KSR2: variants seen among roughly 807,000 people sequenced by gnomAD.
KSR2 encodes the protein kinase suppressor of ras 2.
In KSR2, 25 loss-of-function variants were observed where a neutral mutation model predicts 107.8. The ratio of observed to expected loss-of-function variants is 0.23; its 90% confidence interval spans 0.17 to 0.32. KSR2 has a LOEUF of 0.32. KSR2 is among the 10% of genes least tolerant of loss of function. The probability of loss-of-function intolerance (pLI) is 1.00; values close to 1 mark genes in which losing one functional copy is unlikely to be tolerated. For missense variants in KSR2, 887 were observed against 1,268.9 expected, an observed-to-expected ratio of 0.70 and a Z score of 4.57; for synonymous variants, 480 against 507.0, an observed-to-expected ratio of 0.95 and a Z score of 0.71.
intron 7 of KSR2, among the ~76,000 whole-genome samples, chr12:117,561,356 A>G (rs960785620): frequency 2.0e-5 from 3 of 152,242 alleles, no homozygotes; most frequent in African/African-American, 7.2e-5. Flanking sequence ...GAAAATAACA[A>G]GAACTAACAT....
At chr12:117,601,874 C>G (rs1460776255) in intron 5 of KSR2, among the ~76,000 whole-genome samples, 1 of 152,198 alleles carries the variant, frequency 6.6e-6, no homozygotes, top group Non-Finnish European at 1.5e-5. Context: ...ACCTGACTTC[C>G]ATCATCTGGC....
intron 5 of KSR2, among the ~76,000 whole-genome samples, chr12:117,592,480 T>C (rs187562265): frequency 2.6e-5 from 4 of 152,254 alleles, no homozygotes; most frequent in African/African-American, 9.6e-5. Flanking sequence ...ACCATCAAGC[T>C]AGGATCCCCT....
At chr12:117,542,657 G>T (rs1364726931) in intron 9 of KSR2, among the ~76,000 whole-genome samples, 1 of 152,084 alleles carries the variant, frequency 6.6e-6, no homozygotes, top group Admixed American at 6.6e-5. Flanking sequence ...AACACTAGCT[G>T]TATGTGGGTT....
At chr12:117,642,020 T>G (rs1431077050) in intron 5 of KSR2, among the ~76,000 whole-genome samples, 1 of 152,092 alleles carries the variant, frequency 6.6e-6, no homozygotes, top group Admixed American at 6.6e-5. Context: ...TTCCATCCCA[T>G]CCCCGTTCAT....
intron 10 of KSR2, among the ~76,000 whole-genome samples, chr12:117,534,222 G>A (rs74375424): frequency 0.014 from 2,086 of 152,266 alleles, 50 homozygotes; most frequent in African/African-American, 0.048. Flanking sequence ...AGGAAGAAAG[G>A]TCAAGTCATT....
chr12:117,749,760 C>T (rs1208402264), intron 4 of KSR2, among the ~76,000 whole-genome samples: 2 of 152,076 alleles, frequency 1.3e-5, no homozygotes, highest in Non-Finnish European at 2.9e-5. Flanking sequence ...TTTAAATGAG[C>T]CTTACTGGAC....
intron 1 of KSR2, among the ~76,000 whole-genome samples, chr12:117,949,222 C>G (rs183325972): frequency 3.0e-4 from 46 of 151,228 alleles, no homozygotes; most frequent in African/African-American, 9.7e-4. Context: ...AAAAAATAAA[C>G]ATTTTATGAG....
At chr12:117,578,594 T>C (rs1453115725) in intron 7 of KSR2, among the ~76,000 whole-genome samples, 1 of 113,054 alleles carries the variant, frequency 8.8e-6, no homozygotes, top group Non-Finnish European at 1.7e-5. Flanking sequence ...AGAGCAAGAC[T>C]CCATCTCAAA....
intron 5 of KSR2, among the ~76,000 whole-genome samples, chr12:117,586,247 C>T (rs1467915456): frequency 6.6e-6 from 1 of 150,410 alleles, no homozygotes; most frequent in African/African-American, 2.5e-5. Context: ...AAATGGGTGA[C>T]GATAAAGGAA....
chr12:117,478,040 G>T (rs1480389616), intron 16 of KSR2, among the ~76,000 whole-genome samples: 1 of 152,158 alleles, frequency 6.6e-6, no homozygotes, highest in East Asian at 1.9e-4. Flanking sequence ...AAGACTCCTA[G>T]GAACTGGCTC....
chr12:117,941,293 C>A (rs1416538261), intron 1 of KSR2, among the ~76,000 whole-genome samples: 2 of 151,830 alleles, frequency 1.3e-5, no homozygotes. Flanking sequence ...CCTGCCTGGC[C>A]CCCAGAATCA....
chr12:117,873,222 G>A (rs906015802), intron 1 of KSR2, among the ~76,000 whole-genome samples: 9 of 151,858 alleles, frequency 5.9e-5, no homozygotes, highest in Non-Finnish European at 1.3e-4. Context: ...GCGCATGCCT[G>A]TAATCCCAGC....
chr12:117,673,307 G>A (rs1884990732), intron 4 of KSR2, among the ~76,000 whole-genome samples: 2 of 152,076 alleles, frequency 1.3e-5, no homozygotes, highest in Non-Finnish European at 2.9e-5. Flanking sequence ...GAGGATGGGA[G>A]GATGGGAACA....
chr12:117,938,225 G>T (rs1053180228), intron 1 of KSR2, among the ~76,000 whole-genome samples: 3 of 152,118 alleles, frequency 2.0e-5, no homozygotes, highest in African/African-American at 7.2e-5. Flanking sequence ...GGTGCCTGAC[G>T]TGCAACACAT....
At chr12:117,506,142 GAC>G (rs1365063204) in intron 14 of KSR2, among the ~76,000 whole-genome samples, 2 of 152,274 alleles carry the variant, frequency 1.3e-5, no homozygotes, top group East Asian at 3.9e-4. Flanking sequence ...TTGATCACGG[GAC>G]ACAGATCTTG....
At chr12:117,843,437 A>C (rs564536890) in intron 3 of KSR2, among the ~76,000 whole-genome samples, 17 of 152,222 alleles carry the variant, frequency 1.1e-4, no homozygotes, top group African/African-American at 3.9e-4. Context: ...CCAGTCATGG[A>C]TTAGCCCACT....
At chr12:117,499,299 G>T (rs1246846354) in intron 14 of KSR2, among the ~76,000 whole-genome samples, 1 of 152,208 alleles carries the variant, frequency 6.6e-6, no homozygotes, top group East Asian at 1.9e-4. Flanking sequence ...GCTATCTCTG[G>T]CTACTGGGAT....
chr12:117,567,930 C>T (rs953912454), intron 7 of KSR2, among the ~76,000 whole-genome samples: 4 of 151,604 alleles, frequency 2.6e-5, no homozygotes, highest in African/African-American at 9.8e-5. Flanking sequence ...CTAGAAATGC[C>T]TCCGTATGCT....
chr12:117,479,698 G>A (rs965351247), intron 16 of KSR2, among the ~76,000 whole-genome samples: 1 of 152,206 alleles, frequency 6.6e-6, no homozygotes, highest in Non-Finnish European at 1.5e-5. Context: ...AATAGCACAT[G>A]ACTTGCTCCT....
Sources: gnomAD v4.1 joint callset for allele counts (sites outside exome capture counted in the v4.1 genomes callset) on GRCh38, gnomAD v4.1.1 for gene constraint, MANE v1.5 for transcripts, NCBI Gene and HGNC (gene_info 2026-07-23, HGNC 2026-07-21) for gene names.